SPDYA: variants seen among roughly 807,000 people sequenced by gnomAD.
The protein encoded by SPDYA is speedy protein A.
In SPDYA, 11 loss-of-function variants were observed where a neutral mutation model predicts 36.7. The observed-to-expected ratio is 0.30, with a 90% CI of 0.19 to 0.50. The LOEUF (loss-of-function observed/expected upper bound fraction) is 0.50. Among genes scored for constraint, SPDYA ranks in the 20% least tolerant of loss-of-function variants. The probability of loss-of-function intolerance (pLI) is 0.98; values close to 1 mark genes in which losing one functional copy is unlikely to be tolerated. For synonymous variants in SPDYA, 115 were observed against 118.7 expected (o/e 0.97, Z 0.20); for missense variants, 287 against 370.9 (o/e 0.77, Z 1.86).
chr2:28,833,963 GTCTTGTA>G (rs1668531790), intron 6 of SPDYA, among the ~76,000 whole-genome samples: 1 of 151,996 alleles, frequency 6.6e-6, no homozygotes. Context: ...TTTGATAAGG[GTCTTGTA>G]TCTAGAAATA....
At chr2:28,822,588 A>G (rs2148082217) in intron 5 of SPDYA, among the ~76,000 whole-genome samples, 178 bp downstream of exon 5, 1 of 152,158 alleles carries the variant, frequency 6.6e-6, no homozygotes, top group South Asian at 2.1e-4. Flanking sequence ...ATCATGCTAT[A>G]TGCCTAAGAT....
In SPDYA at chr2:28,832,002, G is replaced by A. The variant is rs77014841; in HGVS notation, c.552+2683G>A. 6.5e-3 allele frequency among the ~76,000 whole-genome samples: 983 copies of A among 152,220 alleles called. 8 individuals carry two copies. The highest frequency in any genetic ancestry group is 0.018 in the African/African-American group (756 of 41,516). On this transcript the variant is annotated intron_variant, in intron 6 of 7. Coordinates refer to ENST00000334056, the MANE Select transcript of SPDYA (RefSeq NM_182756.4). ...TTTATTGGATCACTGCCATCAGAAT[G>A]TAGAATTGCTCTAAGATATCCATCA...
intron 6 of SPDYA, among the ~76,000 whole-genome samples, chr2:28,829,951 A>G (rs1668436894): frequency 7.4e-6 from 1 of 134,896 alleles, no homozygotes; most frequent in Non-Finnish European, 1.6e-5. Flanking sequence ...CTCAAAAAAA[A>G]AAAAAAAAGA....
chr2:28,829,367 A>G, intron 6 of SPDYA, 48 bp downstream of exon 6: 1 of 1,537,816 alleles, frequency 6.5e-7, no homozygotes, highest in Non-Finnish European at 8.7e-7. Context: ...TTTTCTGTTT[A>G]TCTTATTATC....
intron 7 of SPDYA, among the ~76,000 whole-genome samples, chr2:28,841,414 G>A (rs1312171360): frequency 1.3e-5 from 2 of 151,932 alleles, no homozygotes; most frequent in Non-Finnish European, 2.9e-5. Context: ...AGTATTATCT[G>A]ACATTTCTTT....
At chr2:28,813,086 T>C (rs1375647538) in intron 1 of SPDYA, among the ~76,000 whole-genome samples, 2 of 152,176 alleles carry the variant, frequency 1.3e-5, no homozygotes, top group African/African-American at 2.4e-5. Context: ...AAGACTAGCA[T>C]TGATAGCTTC....
At chr2:28,846,410 AAAAC>A (rs1416355611) in intron 7 of SPDYA, among the ~76,000 whole-genome samples, 2 of 152,122 alleles carry the variant, frequency 1.3e-5, no homozygotes, top group Non-Finnish European at 2.9e-5. Flanking sequence ...GCCATCTCAA[AAAAC>A]AAAAACAAAA....
chr2:28,837,984 T>TA (rs1668651407), intron 6 of SPDYA, among the ~76,000 whole-genome samples: 1 of 151,746 alleles, frequency 6.6e-6, no homozygotes, highest in South Asian at 2.1e-4. Flanking sequence ...CCCCAATCAC[T>TA]AAAAATGACA....
chr2:28,817,437 T>C (rs534392883), intron 3 of SPDYA, among the ~76,000 whole-genome samples: 2 of 152,214 alleles, frequency 1.3e-5, no homozygotes, highest in South Asian at 2.1e-4. Context: ...GGCACATGCC[T>C]GTAATCCCAG....
intron 3 of SPDYA, among the ~76,000 whole-genome samples, chr2:28,818,271 C>G (rs1173651610): frequency 6.6e-6 from 1 of 152,098 alleles, no homozygotes; most frequent in East Asian, 1.9e-4. Flanking sequence ...TTAGTGTACA[C>G]AAATGAATAT....
chr2:28,813,084 C>G (rs965433420), intron 1 of SPDYA, among the ~76,000 whole-genome samples: 2 of 152,102 alleles, frequency 1.3e-5, no homozygotes, highest in African/African-American at 4.8e-5. Context: ...CCAAGACTAG[C>G]ATTGATAGCT....
chr2:28,849,962 T>C lies in SPDYA; in HGVS notation c.*21T>C, dbSNP rs775123165. The C allele has an allele frequency of 2.0e-6, 3 of 1,524,322 alleles. No individual in the cohort carries two copies. Among genetic ancestry groups the C allele is most frequent in the African/African-American group, 1.4e-5 (1 of 71,926 alleles). The allele number at this position is 1,524,322 out of a possible 1,614,324, so 94.4% of individuals were successfully genotyped here. ...AATGAGATGGCCCAACTAAACCAAT[T>C]TGGAATCATTAACTACAAAATGTCA... On this transcript the variant is annotated 3_prime_UTR_variant, in exon 8 of 8. Coordinates refer to ENST00000334056, the MANE Select transcript of SPDYA (RefSeq NM_182756.4).
chr2:28,811,108 C>T lies in SPDYA; in HGVS notation c.-93+161C>T, dbSNP rs561357708. 148 of 152,516 alleles carry T rather than the reference C, an allele frequency of 9.7e-4. No individual in the cohort carries two copies. The highest frequency in any genetic ancestry group is 2.0e-3 in the Admixed American group (30 of 15,312). The allele number at this position is 152,516 out of a possible 1,614,324, so 9.4% of individuals were successfully genotyped here. ...CGCCGCCTCCCGTGGGCGCCCTCAG[C>T]TGCCTTCGCGGCGACGACACACGCG... On this transcript the variant is annotated intron_variant, in intron 1 of 7. Coordinates refer to ENST00000334056, the MANE Select transcript of SPDYA (RefSeq NM_182756.4). The surrounding 1 kb of genome is among the most constrained non-coding windows in gnomAD (Gnocchi z 4.2).
chr2:28,817,287 C>T (rs1420447569), intron 3 of SPDYA, among the ~76,000 whole-genome samples: 2 of 152,162 alleles, frequency 1.3e-5, no homozygotes, highest in African/African-American at 4.8e-5. Flanking sequence ...AGAGCCTGGG[C>T]GCGGTGGCTC....
chr2:28,838,480 A>G (rs1292214112), intron 6 of SPDYA, among the ~76,000 whole-genome samples: 1 of 152,088 alleles, frequency 6.6e-6, no homozygotes, highest in Non-Finnish European at 1.5e-5. Flanking sequence ...TGCACCTGCC[A>G]GAGTAACAGA....
chr2:28,849,914 G>A lies in SPDYA; in HGVS notation c.915G>A (p.Met305Ile). ...KTNFLKKDKS[M>I]EWFTGSEE ...ATTTCTTGAAGAAAGACAAATCTATGGAGTGGTTTACAGGAAGTGAAGAAT... is the reference window on the plus strand; with the variant it reads ...ATTTCTTGAAGAAAGACAAATCTATAGAGTGGTTTACAGGAAGTGAAGAAT... The change falls in exon 8 of 8, where the codon ATG (methionine) becomes ATA (isoleucine). Residue 305 changes from methionine (M) to isoleucine (I), a missense_variant. Coordinates refer to ENST00000334056, the MANE Select transcript of SPDYA (RefSeq NM_182756.4). 1.9e-6 allele frequency: 3 copies of A among 1,596,042 alleles called. No individual in the cohort carries two copies. Among genetic ancestry groups the A allele is most frequent in the Non-Finnish European group, 2.6e-6 (3 of 1,174,928 alleles).
chr2:28,830,200 CTTTT>C (rs573724918), intron 6 of SPDYA, among the ~76,000 whole-genome samples: 2 of 108,736 alleles, frequency 1.8e-5, no homozygotes, highest in South Asian at 3.2e-4. Context: ...ATAGTAAGTA[CTTTT>C]TTTTTTTTTT....
In SPDYA at chr2:28,811,749, G is replaced by A. The variant is rs1189927941; in HGVS notation, c.-93+802G>A. On this transcript the variant is annotated intron_variant, in intron 1 of 7. Coordinates refer to ENST00000334056, the MANE Select transcript of SPDYA (RefSeq NM_182756.4). The surrounding 1 kb of genome is among the most constrained non-coding windows in gnomAD (Gnocchi z 4.2). ...AGGCGGGAGAATCGCTTGAACCCTG[G>A]AAGCGGAGGTTGCAGTGAGCTAAAA... 1.3e-5 allele frequency among the ~76,000 whole-genome samples: 2 copies of A among 151,978 alleles called. No individual in the cohort carries two copies. The highest frequency in any genetic ancestry group is 2.9e-5 in the Non-Finnish European group (2 of 68,012).
At chr2:28,845,117 GCT>G (rs925668016) in intron 7 of SPDYA, among the ~76,000 whole-genome samples, 1 of 152,034 alleles carries the variant, frequency 6.6e-6, no homozygotes, top group African/African-American at 2.4e-5. Context: ...CCAGGATCTT[GCT>G]CTGTCACCTG....
Sources: allele counts gnomAD v4.1 joint callset (sites outside exome capture counted in the v4.1 genomes callset), GRCh38; gene constraint gnomAD v4.1.1; non-coding constraint Gnocchi (gnomAD v3.1); transcripts MANE v1.5; gene names NCBI Gene and HGNC (gene_info 2026-07-23, HGNC 2026-07-21).